HDAC2: variants seen among roughly 807,000 people sequenced by gnomAD.
HDAC2 encodes histone deacetylase 2, also known as YY1-associated factor 1.
Under a neutral mutation model 68.5 loss-of-function variants are expected in HDAC2, and 5 were observed. That is an observed-to-expected ratio of 0.07 (90% CI 0.04 to 0.15). HDAC2 has a LOEUF of 0.15. Ranked by LOEUF, HDAC2 falls within the 10% of genes least tolerant of loss-of-function variation. The pLI, the probability that HDAC2 is intolerant of heterozygous loss-of-function variation, is 1.00. For missense variants in HDAC2, 291 were observed against 600.8 expected (o/e 0.48, Z 5.39); for synonymous variants, 182 against 191.3 (o/e 0.95, Z 0.40).
intron 12 of HDAC2, 120 bp from the exon 13 acceptor site, chr6:113,941,885 A>C: frequency 3.3e-6 from 1 of 301,672 alleles, no homozygotes; most frequent in Non-Finnish European, 5.8e-6. Flanking sequence ...ATTATTAATG[A>C]ATTCGGTCTA....
At chr6:113,943,860 CA>C (rs571719548) in intron 11 of HDAC2, among the ~76,000 whole-genome samples, 6 of 149,654 alleles carry the variant, frequency 4.0e-5, no homozygotes, top group East Asian at 3.9e-4. Context: ...TGAAGTAGAC[CA>C]AAAAAAAAGT....
intron 6 of HDAC2, among the ~76,000 whole-genome samples, chr6:113,952,596 AATT>A (rs1776445752): frequency 1.3e-5 from 2 of 152,232 alleles, no homozygotes; most frequent in African/African-American, 4.8e-5. Context: ...CAGCTGTTTA[AATT>A]ATTGAATAAA....
chr6:113,945,965 T>C (rs769156617), intron 9 of HDAC2, 43 bp downstream of exon 9: 3 of 1,500,226 alleles, frequency 2.0e-6, no homozygotes, highest in Middle Eastern at 1.7e-4. Context: ...AGCATCTGTA[T>C]TGACAGTTCA....
At chr6:113,958,608 ACATTT>A (rs1462087194) in intron 3 of HDAC2, 36 bp downstream of exon 3, 1 of 926,542 alleles carries the variant, frequency 1.1e-6, no homozygotes, top group Non-Finnish European at 1.7e-6. Context: ...ATACTAATTT[ACATTT>A]ATCAAAGCAA....
At chr6:113,945,579 A>C in intron 9 of HDAC2, 109 bp from the exon 10 acceptor site, 2 of 706,548 alleles carry the variant, frequency 2.8e-6, no homozygotes, top group Non-Finnish European at 5.1e-6. Flanking sequence ...AAAATGTTTA[A>C]AAGTGAACAC....
At chr6:113,955,839 T>C (rs1046688079) in intron 5 of HDAC2, 174 bp downstream of exon 5, 1 of 545,620 alleles carries the variant, frequency 1.8e-6, no homozygotes, top group Non-Finnish European at 3.1e-6. Context: ...AATTGAAGAA[T>C]TGGGCAAATT....
intron 6 of HDAC2, among the ~76,000 whole-genome samples, chr6:113,951,520 T>C (rs919252314): frequency 6.8e-6 from 1 of 146,472 alleles, no homozygotes; most frequent in Non-Finnish European, 1.5e-5. Flanking sequence ...CAGGCTGGAG[T>C]GCAGTGGAGC....
chr6:113,941,623 G>C, intron 13 of HDAC2, 85 bp downstream of exon 13: 3 of 519,570 alleles, frequency 5.8e-6, no homozygotes, highest in Non-Finnish European at 3.4e-6. Flanking sequence ...TAGTATTTCT[G>C]AAGTGTGTAC....
rs776039140 is a variant in HDAC2, at chr6:113,958,746, G to T, written c.186C>A (p.Ala62=). The change falls in exon 3 of 14, where the codon GCC becomes GCA. Residue 62 remains alanine (A), a synonymous_variant. Coordinates refer to ENST00000519065, the MANE Select transcript of HDAC2 (RefSeq NM_001527.4). ...CACTGTGATATTTTGTCATTTCTTC[G>T]GCAGTGGCTTTATGGGGCCTCTGTG... is the stretch of plus-strand genomic sequence containing the variant. The part of the protein sequence containing the change: ...MEIYRPHKAT[A]EEMTKYHSDE... 6.2e-7 allele frequency: 1 copy of T among 1,605,488 alleles called. No individual in the cohort carries two copies. Among genetic ancestry groups the T allele is most frequent in the Admixed American group, 1.7e-5 (1 of 59,692 alleles).
In HDAC2 at chr6:113,971,074, G is replaced by T; in HGVS notation, c.-166C>A. The stretch of plus-strand genomic sequence containing the variant: ...GGAGGAGAGGAGGGGGCGCCGGGAA[G>T]GCTCGGTACCACCCGGCAGAGGTGC... On this transcript the variant is annotated 5_prime_UTR_variant, in exon 1 of 14. Coordinates refer to ENST00000519065, the MANE Select transcript of HDAC2 (RefSeq NM_001527.4). 1 of 1,554,176 alleles carries T rather than the reference G, an allele frequency of 6.4e-7. No homozygotes were observed. The highest frequency in any genetic ancestry group is 1.2e-5 in the South Asian group (1 of 84,860).
intron 5 of HDAC2, 28 bp downstream of exon 5, chr6:113,955,984 GA>G (rs1186038303): frequency 6.6e-7 from 1 of 1,519,260 alleles, no homozygotes; most frequent in African/African-American, 1.4e-5. Flanking sequence ...CTTTATCACT[GA>G]AAAGAGTATC....
intron 12 of HDAC2, among the ~76,000 whole-genome samples, chr6:113,943,099 T>C (rs1254902129): frequency 6.6e-6 from 1 of 152,182 alleles, no homozygotes; most frequent in Non-Finnish European, 1.5e-5. Flanking sequence ...CACAATGCAA[T>C]GTTCACTATT....
rs531052470 is a variant in HDAC2 at position 113,964,693 on chromosome 6, T to C, written c.53-4675A>G. ...TATAAGCTGAGAAATCCCAAATTTC[T>C]ATGTCTAGACTCTCCTCTCTGGATT... On this transcript the variant is annotated intron_variant, in intron 1 of 13. Coordinates refer to ENST00000519065, the MANE Select transcript of HDAC2 (RefSeq NM_001527.4). 5.0e-4 allele frequency among the ~76,000 whole-genome samples: 76 copies of C among 152,358 alleles called. 1 individual carries two copies. In the South Asian group the frequency reaches 0.012, roughly 25 times the overall value.
intron 8 of HDAC2, chr6:113,948,166 T>C (rs889367916): frequency 1.3e-5 from 2 of 152,170 alleles, no homozygotes; most frequent in Admixed American, 1.3e-4. Context: ...AAATTTAGTA[T>C]GTACTGCAGC....
intron 11 of HDAC2, 96 bp from the exon 12 acceptor site, chr6:113,943,602 C>T (rs775964258): frequency 7.1e-5 from 57 of 800,686 alleles, no homozygotes; most frequent in African/African-American, 4.5e-4. Context: ...AGTTAGTTAC[C>T]ACATTTAAAC....
chr6:113,955,128 C>T (rs1472601368), intron 5 of HDAC2, among the ~76,000 whole-genome samples: 1 of 152,080 alleles, frequency 6.6e-6, no homozygotes, highest in Non-Finnish European at 1.5e-5. Context: ...TCATTTTTTA[C>T]TAGTTGAAAC....
intron 8 of HDAC2, chr6:113,947,009 T>C (rs1441127630): frequency 6.6e-6 from 1 of 152,184 alleles, no homozygotes; most frequent in Non-Finnish European, 1.5e-5. Flanking sequence ...ATCTGTTCTC[T>C]TCATGTAACT....
At chr6:113,970,585 C>T in intron 1 of HDAC2, 1 of 1,269,550 alleles carries the variant, frequency 7.9e-7, no homozygotes, top group Non-Finnish European at 9.9e-7. Context: ...CAGCGGCGGC[C>T]ACCTTCGAGG....
rs912531811 is a variant in HDAC2 at position 113,934,758 on chromosome 6, GT to G, written c.*6299del. The stretch of plus-strand genomic sequence containing the variant: ...CAAACAAAACAGCTTACAAAAGGGT[GT>G]TTGGCATCAAAAGGGAATAGCACAG... On this transcript the variant is annotated 3_prime_UTR_variant, in exon 14 of 14. Transcript: ENST00000519065. 6.6e-6 allele frequency: 1 copy of G among 152,178 alleles called. No individual in the cohort carries two copies. The highest frequency in any genetic ancestry group is 2.4e-5 in the African/African-American group (1 of 41,434). The allele number at this position is 152,178 out of a possible 1,614,324, so 9.4% of individuals were successfully genotyped here.
Sources: allele counts gnomAD v4.1 joint callset (sites outside exome capture counted in the v4.1 genomes callset), GRCh38; gene constraint gnomAD v4.1.1; transcripts MANE v1.5; gene names NCBI Gene and HGNC (gene_info 2026-07-23, HGNC 2026-07-21).